TENM2: variants seen among roughly 807,000 people sequenced by gnomAD.
TENM2 encodes the protein teneurin transmembrane protein 2, also known as teneurin-2.
In TENM2, 52 loss-of-function variants were observed where a neutral mutation model predicts 245.2. The ratio of observed to expected loss-of-function variants is 0.21; its 90% CI spans 0.17 to 0.27. The LOEUF is 0.27. TENM2 is among the 10% of genes least tolerant of loss of function. The pLI is 1.00. For synonymous variants in TENM2, 1,363 were observed against 1,438.9 expected, an observed-to-expected ratio of 0.95 and a Z score of 1.19; for missense variants, 3,046 against 3,666.8, an observed-to-expected ratio of 0.83 and a Z score of 4.37.
At chr5:167,293,428 C>T (rs1754768944) in intron 1 of TENM2, among the ~76,000 whole-genome samples, 1 of 138,340 alleles carries the variant, frequency 7.2e-6, no homozygotes, top group Non-Finnish European at 1.5e-5. Flanking sequence ...CCATGTTGGT[C>T]AGGCTGTTCT....
chr5:168,107,321 C>T (rs1175910662), intron 9 of TENM2, among the ~76,000 whole-genome samples: 1 of 152,098 alleles, frequency 6.6e-6, no homozygotes, highest in South Asian at 2.1e-4. Flanking sequence ...TCCTCCCCAC[C>T]TCCAGAGTTC....
chr5:168,156,726 T>C (rs1304381595), intron 12 of TENM2, among the ~76,000 whole-genome samples: 1 of 152,048 alleles, frequency 6.6e-6, no homozygotes, highest in Admixed American at 6.5e-5. Context: ...TTTTTTTTTC[T>C]AGTGGTTGGA....
chr5:167,733,948 CT>C (rs1241549192), intron 2 of TENM2, among the ~76,000 whole-genome samples: 3 of 152,180 alleles, frequency 2.0e-5, no homozygotes, highest in African/African-American at 7.2e-5. Context: ...GAGATAGAAA[CT>C]TACCCAAGGT....
At chr5:167,905,167 C>T (rs1378687430) in intron 3 of TENM2, among the ~76,000 whole-genome samples, 2 of 152,262 alleles carry the variant, frequency 1.3e-5, no homozygotes, top group East Asian at 1.9e-4. Context: ...CCCCCAAATG[C>T]GAACATAACT....
Position 168,262,537 on chromosome 5 carries a change from C to G in TENM2, c.8052C>G (p.Thr2684=), listed in dbSNP as rs1182062784. The G allele has an allele frequency of 3.2e-6, 5 of 1,556,864 alleles. No individual in the cohort carries two copies. The African/African-American group carries it at 6.8e-5, about 21-fold the overall frequency. The change falls in exon 29 of 29, where the codon ACC becomes ACG. Residue 2684 remains threonine (T), a synonymous_variant. Coordinates refer to ENST00000518659, the Ensembl canonical transcript of TENM2. ...TGCTCAGCATCCGCTATGGCCTCAC[C>G]CCCGACACCCTGGACGAAGAGAAGG...
chr5:167,328,761 G>T (rs1217340537), intron 1 of TENM2, among the ~76,000 whole-genome samples: 1 of 151,884 alleles, frequency 6.6e-6, no homozygotes, highest in South Asian at 2.1e-4. Flanking sequence ...TAAACAGTGA[G>T]GTCTTCCCTA....
At chr5:167,193,767 AATG>A in the TENM2 span, among the ~76,000 whole-genome samples, 5 of 152,002 alleles carry the variant, frequency 3.3e-5, no homozygotes, top group Non-Finnish European at 5.9e-5. Flanking sequence ...TGGTAAGAGT[AATG>A]ATGATAACTA....
intron 2 of TENM2, among the ~76,000 whole-genome samples, chr5:167,506,956 C>G (rs1272295561): frequency 6.6e-6 from 1 of 152,108 alleles, no homozygotes; most frequent in African/African-American, 2.4e-5. Flanking sequence ...CATCTTCATT[C>G]ACATAATTAC....
chr5:167,163,338 G>T, the TENM2 span, among the ~76,000 whole-genome samples: 9 of 152,130 alleles, frequency 5.9e-5, no homozygotes, highest in African/African-American at 2.2e-4. Flanking sequence ...GGATCCTCCC[G>T]CCTCAGCCTC....
chr5:167,281,209 A>G (rs1191140340), upstream of TENM2, among the ~76,000 whole-genome samples: 1 of 151,558 alleles, frequency 6.6e-6, no homozygotes, highest in Admixed American at 6.6e-5. Flanking sequence ...TCCGGGTTCA[A>G]GCAATTCTCT....
the TENM2 span, among the ~76,000 whole-genome samples, chr5:167,072,037 T>C: frequency 6.6e-6 from 1 of 151,990 alleles, no homozygotes; most frequent in Non-Finnish European, 1.5e-5. Context: ...CTTGACCTTG[T>C]AAGGAGGGTG....
intron 2 of TENM2, among the ~76,000 whole-genome samples, chr5:167,715,466 G>A (rs1459454044): frequency 1.3e-5 from 2 of 152,110 alleles, no homozygotes; most frequent in African/African-American, 4.8e-5. Context: ...AGCCATTGAA[G>A]GGTTTAAAGC....
intron 2 of TENM2, among the ~76,000 whole-genome samples, chr5:167,610,641 T>C (rs1777418710): frequency 6.6e-6 from 1 of 152,218 alleles, no homozygotes; most frequent in South Asian, 2.1e-4. Flanking sequence ...AGTACTATAA[T>C]AAGCTAGAGT....
At chr5:167,888,509 A>T (rs779145312) in intron 3 of TENM2, among the ~76,000 whole-genome samples, 14 of 152,216 alleles carry the variant, frequency 9.2e-5, no homozygotes, top group African/African-American at 1.4e-4. Flanking sequence ...CCTTTCTCAC[A>T]TGCTGGCTCC....
Position 167,710,545 on chromosome 5 carries a change from A to C in TENM2, c.503-165441A>C, listed in dbSNP as rs545590291. ...CAAGAGAGCAGAACATTCAAGACAG[A>C]AGGGATAATGTGAATGAAGGTGTGA... On this transcript the variant is annotated intron_variant, in intron 2 of 28. Coordinates refer to ENST00000518659, the Ensembl canonical transcript of TENM2. 2.0e-5 allele frequency among the ~76,000 whole-genome samples: 3 copies of C among 152,298 alleles called. No homozygotes were observed. In the South Asian group the frequency reaches 6.2e-4, roughly 32 times the overall value.
At chr5:167,302,672 C>T (rs59094139) in intron 1 of TENM2, among the ~76,000 whole-genome samples, 22,215 of 151,114 alleles carry the variant, frequency 0.15, 1,905 homozygotes, top group African/African-American at 0.25. Context: ...GGGGTTCTTG[C>T]ACCCTAGAAA....
chr5:168,193,807 A>C (rs1395552534), intron 14 of TENM2, among the ~76,000 whole-genome samples: 1 of 152,232 alleles, frequency 6.6e-6, no homozygotes, highest in Non-Finnish European at 1.5e-5. Context: ...GAGCTAAGAT[A>C]AGAAAATGGA....
chr5:167,714,050 GA>G (rs1166263089), intron 2 of TENM2, among the ~76,000 whole-genome samples: 3 of 152,152 alleles, frequency 2.0e-5, no homozygotes, highest in Non-Finnish European at 4.4e-5. Flanking sequence ...TAACCCTAAA[GA>G]AGTGAGGGTC....
intron 12 of TENM2, among the ~76,000 whole-genome samples, chr5:168,150,564 C>T (rs928935526): frequency 6.6e-6 from 1 of 152,112 alleles, no homozygotes; most frequent in Non-Finnish European, 1.5e-5. Flanking sequence ...CTCCGTCACA[C>T]TACCCAAATT....
Sources: allele counts gnomAD v4.1 joint callset (sites outside exome capture counted in the v4.1 genomes callset), GRCh38; gene constraint gnomAD v4.1.1; transcripts MANE v1.5; gene names NCBI Gene and HGNC (gene_info 2026-07-23, HGNC 2026-07-21).